Variants in PCDHA6 observed in about 807,000 individuals in gnomAD.
The protein encoded by PCDHA6 is protocadherin alpha 6.
PCDHA6 carries 55 observed loss-of-function variants against 60.3 expected under a neutral mutation model. The ratio of observed to expected loss-of-function variants is 0.91; its 90% CI spans 0.73 to 1.14. The LOEUF (loss-of-function observed/expected upper bound fraction) is 1.14, where lower values mean the gene tolerates loss of function less well. PCDHA6 is among the 50% of genes most tolerant of loss of function. The pLI is 0.00. For missense variants in PCDHA6, 1,327 were observed against 1,256.5 expected, an observed-to-expected ratio of 1.06 and a Z score of -0.85; for synonymous variants, 652 against 557.9, an observed-to-expected ratio of 1.17 and a Z score of -2.38.
intron 1 of PCDHA6, chr5:140,968,218 A>C (rs1586280879): frequency 6.2e-7 from 1 of 1,614,012 alleles, no homozygotes. Flanking sequence ...ACAATTTGCC[A>C]GGTGTGTTGC....
In PCDHA6 at chr5:140,829,994, C is replaced by A; in HGVS notation, c.1903C>A (p.Arg635Ser). The change falls in exon 1 of 4, where the codon CGT becomes AGT. Residue 635 changes from arginine to serine, a missense_variant. By Grantham distance (110) the Arg-to-Ser change is moderately radical. Coordinates refer to ENST00000529310, the MANE Select transcript of PCDHA6 (RefSeq NM_018909.4). ...GLYTGEISTT[R>S]VLDEADSPRH... is the part of the protein sequence containing the mutation. ...GTACACGGGCGAGATCAGCACCACTCGTGTCCTGGACGAAGCGGACTCTCC... is the reference window on the plus strand; with the variant it reads ...GTACACGGGCGAGATCAGCACCACTAGTGTCCTGGACGAAGCGGACTCTCC... 1 of 1,613,984 alleles carries A rather than the reference C, an allele frequency of 6.2e-7. No individual in the cohort carries two copies. The highest frequency in any genetic ancestry group is 1.1e-5 in the South Asian group (1 of 91,072).
At chr5:140,873,835 A>G (rs917455135) in intron 1 of PCDHA6, among the ~76,000 whole-genome samples, 3 of 151,964 alleles carry the variant, frequency 2.0e-5, no homozygotes, top group Admixed American at 6.6e-5. Flanking sequence ...TAATTTTTGT[A>G]TTTTTAGTAG....
rs372608018 is a variant in PCDHA6, at chr5:140,875,736, T to C, written c.2394+45251T>C. The C allele has an allele frequency of 2.5e-6, 4 of 1,614,088 alleles. No homozygotes were observed. The African/African-American group carries it at 4.0e-5, about 16-fold the overall frequency. ...AGAATGGCATTTTGTTTGTGAATTCTCGGATCGACCGCGAGAAGCTGTGCG... is the reference window on the plus strand; with the variant it reads ...AGAATGGCATTTTGTTTGTGAATTCCCGGATCGACCGCGAGAAGCTGTGCG... On this transcript the variant is annotated intron_variant, in intron 1 of 3. Transcript: ENST00000529310.
rs1002466846 is a variant in PCDHA6, at chr5:140,853,169, G to A, written c.2394+22684G>A. The A allele has an allele frequency of 8.3e-6, 8 of 959,586 alleles. No individual in the cohort carries two copies. The African/African-American group carries it at 8.9e-5, about 11-fold the overall frequency. The allele number at this position is 959,586 out of a possible 1,614,324, so 59.4% of individuals were successfully genotyped here. On this transcript the variant is annotated intron_variant, in intron 1 of 3. Coordinates refer to ENST00000529310, the MANE Select transcript of PCDHA6 (RefSeq NM_018909.4). Reference sequence around the variant, plus strand: ...GCTGGGATTACAGGCGTGAGCCACCGCGCCTGGCCTAAAATGTGTTCTTTA... The same window carrying A: ...GCTGGGATTACAGGCGTGAGCCACCACGCCTGGCCTAAAATGTGTTCTTTA...
At position 140,838,745 on chromosome 5, in the gene PCDHA6, G is replaced by A. The variant is rs12655588; in HGVS notation, c.2394+8260G>A. Among the ~76,000 whole-genome samples the A allele has an allele frequency of 3.5e-3, 537 of 152,028 alleles. 21 individuals are homozygous for A. In the East Asian group the frequency reaches 0.074, roughly 21 times the overall value. On this transcript the variant is annotated intron_variant, in intron 1 of 3. Coordinates refer to ENST00000529310, the MANE Select transcript of PCDHA6 (RefSeq NM_018909.4). ...CAGTCTAGTAGTTTGAGACCAGCTT[G>A]TGCATCTTTTGTAGAGACTTTGTAA...
chr5:140,884,305 G>A (rs1223534357), intron 1 of PCDHA6: 2 of 1,613,602 alleles, frequency 1.2e-6, no homozygotes, highest in Non-Finnish European at 1.7e-6. Context: ...CACAGGCTTC[G>A]TCGAGGGCGT....
intron 1 of PCDHA6, among the ~76,000 whole-genome samples, chr5:140,934,289 T>C (rs1584800076): frequency 6.6e-6 from 1 of 152,138 alleles, no homozygotes; most frequent in East Asian, 1.9e-4. Flanking sequence ...AGGGCATTCT[T>C]ACTGGTATTT....
At chr5:140,971,038 A>G (rs948457676) in intron 1 of PCDHA6, among the ~76,000 whole-genome samples, 4 of 152,216 alleles carry the variant, frequency 2.6e-5, no homozygotes, top group Non-Finnish European at 5.9e-5. Context: ...GAAAGCACGT[A>G]AAAGGGTTTA....
intron 1 of PCDHA6, among the ~76,000 whole-genome samples, chr5:140,900,283 C>A (rs1325528461): frequency 6.6e-6 from 1 of 151,666 alleles, no homozygotes; most frequent in Non-Finnish European, 1.5e-5. Flanking sequence ...ACCACACTTT[C>A]TTTTCTGTTT....
chr5:140,917,329 G>T lies in PCDHA6; in HGVS notation c.2395-61620G>T, dbSNP rs543216216. Among the ~76,000 whole-genome samples the T allele has an allele frequency of 4.9e-5, 7 of 143,930 alleles. 1 individual carries two copies. The highest frequency in any genetic ancestry group is 1.6e-4 in the African/African-American group (6 of 37,952). The allele number at this position is 143,930 out of a possible 152,430, so 94.4% of individuals were successfully genotyped here. A position where few individuals can be genotyped will look rare whatever the true frequency, so the allele number is the denominator to read the frequency against. ...ACAATTTGGTGTTCATGTGGCGGGG[G>T]AGGGGGGGGATGGTGTAGGCTTCTG... On this transcript the variant is annotated intron_variant, in intron 1 of 3. Coordinates refer to ENST00000529310, the MANE Select transcript of PCDHA6 (RefSeq NM_018909.4).
rs1554145030 is a variant in PCDHA6 at position 140,850,906 on chromosome 5, T to C, written c.2394+20421T>C. On this transcript the variant is annotated intron_variant, in intron 1 of 3. Transcript: ENST00000529310. Reference sequence around the variant, plus strand: ...ACTGGGAAGGTGGGTTTTTCTAGCATTTTATTTATTTATATAATTTTTTTT... The same window carrying C: ...ACTGGGAAGGTGGGTTTTTCTAGCACTTTATTTATTTATATAATTTTTTTT... The C allele has an allele frequency of 1.3e-6, 2 of 1,550,722 alleles. 1 individual carries two copies. The highest frequency in any genetic ancestry group is 1.7e-6 in the Non-Finnish European group (2 of 1,145,138).
chr5:140,856,715 G>T (rs1233191211), intron 1 of PCDHA6: 1 of 1,596,328 alleles, frequency 6.3e-7, no homozygotes, highest in African/African-American at 1.3e-5. Flanking sequence ...TGAATTTACC[G>T]GATCTGTTTC....
chr5:140,831,094 A>T (rs1771374456), intron 1 of PCDHA6: 2 of 152,224 alleles, frequency 1.3e-5, no homozygotes, highest in African/African-American at 2.4e-5. Context: ...GGACAAAAAC[A>T]ATAGTTATCA....
chr5:140,848,252 G>C (rs188149099), intron 1 of PCDHA6: 1 of 468,304 alleles, frequency 2.1e-6, no homozygotes, highest in African/African-American at 2.0e-5. Flanking sequence ...CAGAATAACT[G>C]TGAAATTTTT....
chr5:140,985,878 T>A (rs891027308), intron 3 of PCDHA6, among the ~76,000 whole-genome samples: 1 of 151,822 alleles, frequency 6.6e-6, no homozygotes, highest in South Asian at 2.1e-4. Flanking sequence ...TAGCTGGGAC[T>A]ACAGGCGCCC....
intron 1 of PCDHA6, among the ~76,000 whole-genome samples, chr5:140,951,082 C>CT (rs573059224): frequency 1.2e-3 from 178 of 151,520 alleles, no homozygotes; most frequent in African/African-American, 4.1e-3. Context: ...TTATATTTTC[C>CT]TTTTTTTCTG....
rs782673373 is a variant in PCDHA6 at position 140,858,110 on chromosome 5, G to A, written c.2394+27625G>A. On this transcript the variant is annotated intron_variant, in intron 1 of 3. Transcript: ENST00000529310. ...GCGGGCTTCAGTGGGCGTGGCGCCC[G>A]AGGTGGCCCTGGTGGATGTCAACGT... 5.6e-6 allele frequency: 9 copies of A among 1,597,760 alleles called. 1 individual carries two copies. The highest frequency in any genetic ancestry group is 3.4e-5 in the Admixed American group (2 of 59,350).
intron 1 of PCDHA6, chr5:140,927,723 A>G: frequency 6.2e-7 from 1 of 1,614,220 alleles, no homozygotes; most frequent in Non-Finnish European, 8.5e-7. Context: ...ACAGCACGCA[A>G]GCAGAGCTGC....
At position 141,009,807 on chromosome 5, in the gene PCDHA6, T is replaced by C. The variant is rs1554262456; in HGVS notation, c.2723T>C (p.Ile908Thr). ...CGGCAGGAGCCTACTAACAGCCAAA[T>C]TGACAAAAGTGACTTCATAACCTTC... is the stretch of plus-strand genomic sequence containing the variant. ...SIRQEPTNSQIDKSDFITFGK... is the reference protein window; with the variant it reads ...SIRQEPTNSQTDKSDFITFGK... Residue 908 changes from isoleucine to threonine, a missense_variant, in exon 4 of 4, where the codon ATT (isoleucine) becomes ACT (threonine). Ile to Thr is a moderately conservative substitution (Grantham distance 89). Transcript: ENST00000529310. 9.9e-6 allele frequency: 16 copies of C among 1,613,824 alleles called. No homozygotes were observed. Among genetic ancestry groups the C allele is most frequent in the South Asian group, 1.1e-5 (1 of 91,066 alleles).
Sources: gnomAD v4.1 joint callset for allele counts (sites outside exome capture counted in the v4.1 genomes callset) on GRCh38, gnomAD v4.1.1 for gene constraint, MANE v1.5 for transcripts, NCBI Gene and HGNC (gene_info 2026-07-23, HGNC 2026-07-21) for gene names.